Variants in NTM observed in about 807,000 individuals in gnomAD.
The protein encoded by NTM is neurotrimin.
In NTM, 13 loss-of-function variants were observed where a neutral mutation model predicts 42.1. That is an observed-to-expected ratio of 0.31 (90% confidence interval 0.20 to 0.49). The LOEUF (loss-of-function observed/expected upper bound fraction) is 0.49, where lower values mean the gene tolerates loss of function less well. Among genes scored for constraint, NTM ranks in the 20% least tolerant of loss-of-function variants. NTM has a pLI of 0.99. For synonymous variants in NTM, 187 were observed against 179.2 expected (o/e 1.04, Z -0.35); for missense variants, 373 against 452.8 (o/e 0.82, Z 1.60).
intron 1 of NTM, among the ~76,000 whole-genome samples, chr11:131,739,737 A>G (rs2135564939): frequency 6.6e-6 from 1 of 152,344 alleles, no homozygotes; most frequent in South Asian, 2.1e-4. Flanking sequence ...GCAGCATGAA[A>G]AGAGGGACAT....
chr11:131,407,945 G>A (rs577801624), intron 1 of NTM, among the ~76,000 whole-genome samples: 4 of 152,320 alleles, frequency 2.6e-5, no homozygotes, highest in South Asian at 2.1e-4. Context: ...TAATAGTTTC[G>A]TGGATGGTAC....
At chr11:131,911,722 T>G (rs555286047) in intron 2 of NTM, 74 bp downstream of exon 2, 3 of 1,576,470 alleles carry the variant, frequency 1.9e-6, no homozygotes, top group African/African-American at 2.7e-5. Context: ...TGCAGGTGTG[T>G]GCACTGAGGC....
chr11:132,321,086 CAG>C (rs1266204449), intron 7 of NTM, among the ~76,000 whole-genome samples: 3 of 152,006 alleles, frequency 2.0e-5, no homozygotes, highest in African/African-American at 7.3e-5. Context: ...AAAAACAGAA[CAG>C]AAAAACTGGA....
chr11:132,262,947 T>C (rs2092956754), intron 4 of NTM, among the ~76,000 whole-genome samples: 1 of 152,086 alleles, frequency 6.6e-6, no homozygotes, highest in Non-Finnish European at 1.5e-5. Context: ...AATACAATAG[T>C]GGGACAGGAA....
intron 8 of NTM, among the ~76,000 whole-genome samples, chr11:132,330,865 G>C (rs1040028245): frequency 6.6e-6 from 1 of 152,192 alleles, no homozygotes; most frequent in Non-Finnish European, 1.5e-5. Context: ...CCTCATCTGC[G>C]TGGCCCATGT....
At chr11:131,963,492 A>G (rs192259008) in intron 2 of NTM, among the ~76,000 whole-genome samples, 2 of 152,342 alleles carry the variant, frequency 1.3e-5, no homozygotes, top group East Asian at 1.9e-4. Context: ...CCATGAAAAG[A>G]TAGGTCCTCT....
At chr11:132,311,549 T>A (rs950800243) in intron 6 of NTM, among the ~76,000 whole-genome samples, 2 of 152,200 alleles carry the variant, frequency 1.3e-5, no homozygotes, top group African/African-American at 4.8e-5. Flanking sequence ...ATGGTTTCCT[T>A]ACTTAGAAAT....
intron 2 of NTM, among the ~76,000 whole-genome samples, chr11:132,062,772 C>T (rs2080875832): frequency 2.6e-5 from 4 of 152,132 alleles, no homozygotes; most frequent in Non-Finnish European, 5.9e-5. Flanking sequence ...TTTGGCTGCA[C>T]TTGAAATGTG....
intron 4 of NTM, among the ~76,000 whole-genome samples, chr11:132,299,579 A>G (rs917907176): frequency 2.6e-5 from 4 of 152,218 alleles, no homozygotes; most frequent in Non-Finnish European, 5.9e-5. Context: ...TGCCATATGC[A>G]TACTCTACGA....
intron 4 of NTM, among the ~76,000 whole-genome samples, chr11:132,240,998 C>T (rs1336561458): frequency 3.3e-5 from 5 of 152,286 alleles, no homozygotes; most frequent in East Asian, 1.9e-4. Context: ...ACAGTCAAAA[C>T]GCAGCCAAAA....
At chr11:131,644,828 T>TA (rs1239731483) in intron 1 of NTM, among the ~76,000 whole-genome samples, 2 of 152,070 alleles carry the variant, frequency 1.3e-5, no homozygotes, top group Admixed American at 1.3e-4. Context: ...TTTGTTTTCC[T>TA]AAAAAAAGAA....
At chr11:132,038,957 C>G (rs1179074006) in intron 2 of NTM, among the ~76,000 whole-genome samples, 1 of 152,186 alleles carries the variant, frequency 6.6e-6, no homozygotes, top group Admixed American at 6.5e-5. Context: ...TGTTGTAAAC[C>G]TTACTCTCCC....
At chr11:131,651,852 C>A (rs2066529838) in intron 1 of NTM, among the ~76,000 whole-genome samples, 1 of 148,618 alleles carries the variant, frequency 6.7e-6, no homozygotes. Context: ...CCCCCCCGAC[C>A]CAAAAAAAGA....
At chr11:131,469,550 C>T (rs1952226883) in intron 1 of NTM, among the ~76,000 whole-genome samples, 1 of 152,128 alleles carries the variant, frequency 6.6e-6, no homozygotes, top group Admixed American at 6.5e-5. Flanking sequence ...GGAGGCCATC[C>T]CTGACAGCTG....
chr11:132,067,846 C>A (rs2056754529), intron 2 of NTM, among the ~76,000 whole-genome samples: 1 of 152,160 alleles, frequency 6.6e-6, no homozygotes, highest in African/African-American at 2.4e-5. Context: ...GTTTTATGAG[C>A]TTATTTTCTT....
intron 1 of NTM, among the ~76,000 whole-genome samples, chr11:131,907,644 G>A (rs542200033): frequency 2.0e-5 from 3 of 152,290 alleles, no homozygotes; most frequent in East Asian, 1.9e-4. Flanking sequence ...AGAAGGAGAC[G>A]GAGATGGTGG....
At chr11:131,794,157 C>A (rs567192614) in intron 1 of NTM, among the ~76,000 whole-genome samples, 2 of 152,048 alleles carry the variant, frequency 1.3e-5, no homozygotes, top group Non-Finnish European at 2.9e-5. Context: ...TGCCACGGTG[C>A]GTGCTGATCC....
intron 2 of NTM, among the ~76,000 whole-genome samples, chr11:132,032,429 C>T (rs986241091): frequency 2.0e-5 from 3 of 152,164 alleles, no homozygotes; most frequent in Non-Finnish European, 2.9e-5. Flanking sequence ...TGTCTCTGAC[C>T]CTGGCCCCTC....
chr11:131,861,498 T>C lies in NTM; in HGVS notation c.83-50066T>C, dbSNP rs80015455. On this transcript the variant is annotated intron_variant, in intron 1 of 8. Coordinates refer to ENST00000683400, the MANE Select transcript of NTM (RefSeq NM_001352005.2). Reference sequence around the variant, plus strand: ...CTCTATCTAGCTTTTCCTTTCTTGATAAAAATTAAGGAAAAACAACTTGAT... The same window carrying C: ...CTCTATCTAGCTTTTCCTTTCTTGACAAAAATTAAGGAAAAACAACTTGAT... Among the ~76,000 whole-genome samples the C allele has an allele frequency of 1.6e-4, 25 of 152,276 alleles. No homozygotes were observed. The East Asian group carries it at 4.8e-3, about 29-fold the overall frequency.
Sources: allele counts gnomAD v4.1 joint callset (sites outside exome capture counted in the v4.1 genomes callset), GRCh38; gene constraint gnomAD v4.1.1; transcripts MANE v1.5; gene names NCBI Gene and HGNC (gene_info 2026-07-23, HGNC 2026-07-21).